RAD51B: variants seen among roughly 807,000 people sequenced by gnomAD.
The protein encoded by RAD51B is DNA repair protein RAD51 homolog 2.
Under a neutral mutation model 42.2 loss-of-function variants are expected in RAD51B, and 38 were observed. The ratio of observed to expected loss-of-function variants is 0.90; its 90% CI spans 0.70 to 1.18. The LOEUF is 1.18. RAD51B is among the 50% of genes most tolerant of loss of function. The pLI is 0.00. For missense variants in RAD51B, 373 were observed against 400.7 expected (o/e 0.93, Z 0.59); for synonymous variants, 154 against 145.2 (o/e 1.06, Z -0.43).
intron 7 of RAD51B, among the ~76,000 whole-genome samples, chr14:68,165,284 G>C (rs939416000): frequency 2.6e-5 from 4 of 152,004 alleles, no homozygotes; most frequent in African/African-American, 7.3e-5. Flanking sequence ...TTAGTAACTT[G>C]TTGGGAACTT....
intron 10 of RAD51B, chr14:68,610,869 GTGTGTGTGTGTGTGTGTC>G (rs955320695): frequency 7.8e-4 from 490 of 626,062 alleles, no homozygotes; most frequent in Middle Eastern, 3.0e-3. Flanking sequence ...GTGTGTGTGT[GTGTGTGTGTGTGTGTGTC>G]ATCTCCCTAG....
intron 4 of RAD51B, among the ~76,000 whole-genome samples, chr14:67,858,863 T>G (rs1202350100): frequency 1.3e-5 from 2 of 152,254 alleles, no homozygotes; most frequent in Non-Finnish European, 2.9e-5. Context: ...CAACTTTTAC[T>G]GACAGAAGTT....
chr14:67,881,400 G>A (rs1469139678), intron 5 of RAD51B, among the ~76,000 whole-genome samples: 3 of 152,126 alleles, frequency 2.0e-5, no homozygotes, highest in Non-Finnish European at 4.4e-5. Flanking sequence ...CTTTCTGGTG[G>A]TTCTTTCCTC....
intron 7 of RAD51B, among the ~76,000 whole-genome samples, chr14:68,092,283 C>G (rs1311202372): frequency 6.6e-6 from 1 of 152,136 alleles, no homozygotes; most frequent in Admixed American, 6.5e-5. Context: ...TATAAATTAC[C>G]TTGGGCAGTA....
intron 8 of RAD51B, among the ~76,000 whole-genome samples, chr14:68,342,908 C>T (rs772006386): frequency 1.3e-5 from 2 of 151,752 alleles, no homozygotes; most frequent in Admixed American, 6.6e-5. Context: ...CCCAAATCCA[C>T]TCAGGCAACA....
chr14:68,311,780 G>A (rs536671046), intron 8 of RAD51B, among the ~76,000 whole-genome samples: 3 of 152,258 alleles, frequency 2.0e-5, no homozygotes, highest in South Asian at 4.1e-4. Context: ...CCAGCTACTC[G>A]GGAGGCTGAG....
chr14:67,956,699 T>C (rs1217769224), intron 7 of RAD51B, among the ~76,000 whole-genome samples: 8 of 152,176 alleles, frequency 5.3e-5, no homozygotes, highest in Non-Finnish European at 5.9e-5. Context: ...ATGCATAATA[T>C]CTTATATTCC....
At chr14:68,065,055 G>A (rs936931338) in intron 7 of RAD51B, among the ~76,000 whole-genome samples, 2 of 152,162 alleles carry the variant, frequency 1.3e-5, no homozygotes, top group Admixed American at 1.3e-4. Context: ...TCCCTGTGTT[G>A]ATATCTGTGC....
chr14:67,829,696 A>G (rs2040966483), intron 3 of RAD51B, among the ~76,000 whole-genome samples: 1 of 152,006 alleles, frequency 6.6e-6, no homozygotes, highest in Non-Finnish European at 1.5e-5. Context: ...TTTGACCTGT[A>G]TTTACTGAAT....
chr14:67,911,281 A>G (rs1282651651), intron 7 of RAD51B, among the ~76,000 whole-genome samples: 1 of 152,216 alleles, frequency 6.6e-6, no homozygotes, highest in Non-Finnish European at 1.5e-5. Context: ...CAGCATTAGC[A>G]TTACCTATGA....
intron 7 of RAD51B, among the ~76,000 whole-genome samples, chr14:67,960,158 T>C (rs895989151): frequency 4.6e-5 from 7 of 152,100 alleles, no homozygotes; most frequent in Admixed American, 1.3e-4. Flanking sequence ...TAACGTTCTA[T>C]GTTAAGTGTA....
chr14:67,954,319 A>T (rs1003335344), intron 7 of RAD51B, among the ~76,000 whole-genome samples: 2 of 152,164 alleles, frequency 1.3e-5, no homozygotes, highest in Admixed American at 6.6e-5. Flanking sequence ...CTCAGGACAG[A>T]CTTGGTGAGT....
chr14:68,270,475 C>G (rs1369511544), intron 7 of RAD51B, among the ~76,000 whole-genome samples: 1 of 152,176 alleles, frequency 6.6e-6, no homozygotes, highest in Non-Finnish European at 1.5e-5. Flanking sequence ...TGAACTTTTA[C>G]TCAGAATAGT....
chr14:68,131,034 C>A (rs1301528017), intron 7 of RAD51B, among the ~76,000 whole-genome samples: 1 of 152,086 alleles, frequency 6.6e-6, no homozygotes, highest in Non-Finnish European at 1.5e-5. Flanking sequence ...CTCAAATATC[C>A]AAATTTAGAA....
chr14:68,545,672 C>T (rs769600996), intron 10 of RAD51B: 1 of 454,298 alleles, frequency 2.2e-6, no homozygotes, highest in African/African-American at 2.0e-5. Context: ...CCATCATTCG[C>T]TTGTCCACAC....
intron 7 of RAD51B, among the ~76,000 whole-genome samples, chr14:67,899,246 T>C (rs952280628): frequency 1.3e-5 from 2 of 151,942 alleles, no homozygotes; most frequent in East Asian, 1.9e-4. Flanking sequence ...AGACGGGGTT[T>C]CACCATGTTA....
chr14:68,661,550 G>T (rs1892933247), intron 11 of RAD51B, among the ~76,000 whole-genome samples: 1 of 152,178 alleles, frequency 6.6e-6, no homozygotes, highest in African/African-American at 2.4e-5. Flanking sequence ...GATTCCCAAA[G>T]GTCACTTAAA....
At chr14:68,658,110 C>T (rs921607244) in intron 11 of RAD51B, among the ~76,000 whole-genome samples, 20 of 152,226 alleles carry the variant, frequency 1.3e-4, no homozygotes, top group Non-Finnish European at 1.0e-4. Context: ...TGCACAACTC[C>T]GACAGGAGCA....
chr14:68,043,750 A>G (rs938216639), intron 7 of RAD51B, among the ~76,000 whole-genome samples: 1 of 152,200 alleles, frequency 6.6e-6, no homozygotes, highest in African/African-American at 2.4e-5. Context: ...AGGGAGAGTA[A>G]CCCTCTTCTG....
Sources: gnomAD v4.1 joint callset for allele counts (sites outside exome capture counted in the v4.1 genomes callset) on GRCh38, gnomAD v4.1.1 for gene constraint, MANE v1.5 for transcripts, NCBI Gene and HGNC (gene_info 2026-07-23, HGNC 2026-07-21) for gene names.